The following METTL22 variants were observed in gnomAD, a reference collection of about 807,000 sequenced individuals.
The protein encoded by METTL22 is methyltransferase 22, Kin17 lysine.
METTL22 carries 51 observed loss-of-function variants against 48.4 expected under a neutral mutation model. That is an observed-to-expected ratio of 1.05 (90% CI 0.84 to 1.33). The LOEUF (loss-of-function observed/expected upper bound fraction) is 1.33, where lower values mean the gene tolerates loss of function less well. Among genes scored for constraint, METTL22 ranks in the 40% most tolerant of loss-of-function variants. METTL22 has a pLI of 0.00. For synonymous variants in METTL22, 255 were observed against 214.1 expected, an observed-to-expected ratio of 1.19 and a Z score of -1.67; for missense variants, 678 against 526.9, an observed-to-expected ratio of 1.29 and a Z score of -2.81.
intron 9 of METTL22, among the ~76,000 whole-genome samples, chr16:8,643,535 C>A (rs1297366517): frequency 6.6e-6 from 1 of 152,162 alleles, no homozygotes; most frequent in African/African-American, 2.4e-5. Context: ...GGGCAGGGGG[C>A]CCCGGGAAGA....
rs1200061978 is a variant in METTL22 at position 8,639,067 on chromosome 16, A to G, written c.701-24A>G. ...AAAGTGTCGTAGTGGCTGGCACTTT[A>G]TGGCTTGCCCTCTGTCATTCCAGAT... On this transcript the variant is annotated intron_variant, in intron 5 of 10. Transcript: ENST00000381920. The G allele has an allele frequency of 6.8e-6, 11 of 1,613,526 alleles. No homozygotes were observed. In the African/African-American group the frequency reaches 1.2e-4, roughly 18 times the overall value.
the METTL22 span, among the ~76,000 whole-genome samples, chr16:8,659,205 C>A: frequency 6.6e-6 from 1 of 152,028 alleles, no homozygotes; most frequent in South Asian, 2.1e-4. Context: ...GTGGTGTGCC[C>A]CTGTAGTCCC....
At chr16:8,625,841 T>C (rs1341203725) in intron 2 of METTL22, 43 bp downstream of exon 2, 2 of 1,608,864 alleles carry the variant, frequency 1.2e-6, no homozygotes, top group African/African-American at 2.7e-5. Context: ...CTATTTTGTT[T>C]TCTGCTTTCT....
chr16:8,664,529 C>T, the METTL22 span, among the ~76,000 whole-genome samples: 1 of 152,134 alleles, frequency 6.6e-6, no homozygotes, highest in Non-Finnish European at 1.5e-5. Flanking sequence ...TCACGGCTCA[C>T]TACAGCCTCA....
chr16:8,629,979 A>G (rs564505628), intron 3 of METTL22, among the ~76,000 whole-genome samples: 4 of 152,126 alleles, frequency 2.6e-5, no homozygotes, highest in Admixed American at 6.5e-5. Flanking sequence ...CGAGCTTCGA[A>G]TCCACACAGT....
At chr16:8,658,080 G>T in the METTL22 span, among the ~76,000 whole-genome samples, 1 of 152,186 alleles carries the variant, frequency 6.6e-6, no homozygotes, top group African/African-American at 2.4e-5. Context: ...GCCTCCCAAA[G>T]TGCTGGGATT....
intron 3 of METTL22, among the ~76,000 whole-genome samples, chr16:8,630,409 G>T (rs778569179): frequency 3.3e-5 from 5 of 152,166 alleles, no homozygotes; most frequent in Non-Finnish European, 7.3e-5. Flanking sequence ...ACTTGCTGGG[G>T]TCACACAGCT....
At chr16:8,631,590 C>T (rs2141721691) in intron 3 of METTL22, 1 of 152,366 alleles carries the variant, frequency 6.6e-6, no homozygotes, top group African/African-American at 2.4e-5. Context: ...AGCCTCTGTC[C>T]TGGGGACTGG....
At chr16:8,640,184 AAT>A (rs1323546132) in intron 6 of METTL22, among the ~76,000 whole-genome samples, 2 of 152,176 alleles carry the variant, frequency 1.3e-5, no homozygotes, top group Non-Finnish European at 2.9e-5. Context: ...GCACTGTCAC[AAT>A]GTTTGTTGAG....
chr16:8,630,567 G>C (rs2056223903), intron 3 of METTL22, among the ~76,000 whole-genome samples: 1 of 152,118 alleles, frequency 6.6e-6, no homozygotes, highest in South Asian at 2.1e-4. Context: ...TTCCCTCTGA[G>C]CCCTCACTGT....
intron 2 of METTL22, among the ~76,000 whole-genome samples, chr16:8,627,601 C>T (rs1225980524): frequency 6.6e-6 from 1 of 152,144 alleles, no homozygotes; most frequent in Non-Finnish European, 1.5e-5. Context: ...AGCCTGTGAG[C>T]CAAATCTGGC....
chr16:8,657,615 T>A, the METTL22 span, among the ~76,000 whole-genome samples: 1 of 152,154 alleles, frequency 6.6e-6, no homozygotes, highest in South Asian at 2.1e-4. Context: ...GTTTTCCACC[T>A]TTTTGAAACT....
intron 1 of METTL22, among the ~76,000 whole-genome samples, chr16:8,624,799 C>T (rs1236572597): frequency 6.6e-6 from 1 of 152,100 alleles, no homozygotes; most frequent in Non-Finnish European, 1.5e-5. Context: ...TTTGAGGCTG[C>T]AGTGAGCCAT....
At chr16:8,639,732 C>G (rs538973897) in intron 6 of METTL22, 2 of 160,812 alleles carry the variant, frequency 1.2e-5, no homozygotes, top group Non-Finnish European at 2.7e-5. Context: ...TCTCTGCTCC[C>G]TGCACGGCCT....
At chr16:8,665,593 T>A in the METTL22 span, among the ~76,000 whole-genome samples, 1 of 152,242 alleles carries the variant, frequency 6.6e-6, no homozygotes, top group Non-Finnish European at 1.5e-5. Flanking sequence ...AGTACCCAGC[T>A]TGAAGAAAGC....
chr16:8,627,621 T>C (rs1334768596), intron 2 of METTL22, among the ~76,000 whole-genome samples: 1 of 152,190 alleles, frequency 6.6e-6, no homozygotes, highest in Non-Finnish European at 1.5e-5. Flanking sequence ...CCTGCAGCTA[T>C]TTTTATAAAG....
In METTL22 at chr16:8,649,174, C is replaced by G. The variant is rs2056854805; in HGVS notation, c.*3031C>G. 6.6e-6 allele frequency: 1 copy of G among 152,184 alleles called. No individual in the cohort carries two copies. Among genetic ancestry groups the G allele is most frequent in the African/African-American group, 2.4e-5 (1 of 41,428 alleles). 9.4% of individuals were successfully genotyped at this position (152,184 alleles called of 1,614,324 possible). ...TCACCTGCCGCATTAGGGCAAACTG[C>G]TTTTATGTCTAAACCACTGGGCCTG... On this transcript the variant is annotated 3_prime_UTR_variant, in exon 11 of 11. Coordinates refer to ENST00000381920, the MANE Select transcript of METTL22 (RefSeq NM_024109.4).
the METTL22 span, among the ~76,000 whole-genome samples, chr16:8,664,291 C>T: frequency 6.6e-6 from 1 of 151,906 alleles, no homozygotes. Context: ...GTCTGTTCAC[C>T]TGTGACACCA....
At chr16:8,633,054 G>A (rs1362269740) in intron 3 of METTL22, among the ~76,000 whole-genome samples, 1 of 152,110 alleles carries the variant, frequency 6.6e-6, no homozygotes, top group African/African-American at 2.4e-5. Context: ...GGAGAGGAGA[G>A]GAGGCTACGA....
Sources: allele counts gnomAD v4.1 joint callset (sites outside exome capture counted in the v4.1 genomes callset), GRCh38; gene constraint gnomAD v4.1.1; transcripts MANE v1.5; gene names NCBI Gene and HGNC (gene_info 2026-07-23, HGNC 2026-07-21).